Variants in DSCAM observed in about 807,000 individuals in gnomAD.
The protein encoded by DSCAM is cell adhesion molecule DSCAM.
DSCAM carries 47 observed loss-of-function variants against 217.7 expected under a neutral mutation model. The ratio of observed to expected loss-of-function variants is 0.22; its 90% CI spans 0.17 to 0.28. The LOEUF (loss-of-function observed/expected upper bound fraction) is 0.28, where lower values mean the gene tolerates loss of function less well. Among genes scored for constraint, DSCAM ranks in the 10% least tolerant of loss-of-function variants. DSCAM has a pLI of 1.00. For synonymous variants in DSCAM, 1,056 were observed against 1,015.3 expected, an observed-to-expected ratio of 1.04 and a Z score of -0.76; for missense variants, 2,080 against 2,618.3, an observed-to-expected ratio of 0.79 and a Z score of 4.49.
chr21:40,321,428 A>G (rs1226416915), intron 8 of DSCAM, among the ~76,000 whole-genome samples: 1 of 152,190 alleles, frequency 6.6e-6, no homozygotes, highest in East Asian at 1.9e-4. Flanking sequence ...TTTTGGTTGC[A>G]AGAAGCTTCG....
At position 40,734,123 on chromosome 21, in the gene DSCAM, G is replaced by C. The variant is rs1033624763; in HGVS notation, c.44-25352C>G. 1.2e-4 allele frequency among the ~76,000 whole-genome samples: 18 copies of C among 152,134 alleles called. 1 individual carries two copies. The highest frequency in any genetic ancestry group is 1.2e-3 in the Admixed American group (18 of 15,268). ...AAGCCCTGTGAGGATTAACTTAGATGTGCATTAGATGCGATGTGGGGTCAT... is the reference window on the plus strand; with the variant it reads ...AAGCCCTGTGAGGATTAACTTAGATCTGCATTAGATGCGATGTGGGGTCAT... On this transcript the variant is annotated intron_variant, in intron 1 of 32. Coordinates refer to ENST00000400454, the MANE Select transcript of DSCAM (RefSeq NM_001389.5).
rs926892410 is a variant in DSCAM, at chr21:40,149,394, T to G, written c.3019-4663A>C. Among the ~76,000 whole-genome samples, 33 of 145,374 alleles carry G rather than the reference T, an allele frequency of 2.3e-4. 2 individuals are homozygous for G. The highest frequency in any genetic ancestry group is 8.4e-4 in the African/African-American group (32 of 37,984). On this transcript the variant is annotated intron_variant, in intron 16 of 32. Coordinates refer to ENST00000400454, the MANE Select transcript of DSCAM (RefSeq NM_001389.5). ...TTCACTATCCCAACACCAACACCAC[T>G]GTCACCACAACATCCATCACTCCAT...
At chr21:40,469,880 C>A (rs2075874246) in intron 3 of DSCAM, among the ~76,000 whole-genome samples, 1 of 152,116 alleles carries the variant, frequency 6.6e-6, no homozygotes, top group Admixed American at 6.5e-5. Flanking sequence ...AAAAATTTAA[C>A]AATGAGGCAT....
At chr21:40,497,522 C>T (rs1253329878) in intron 3 of DSCAM, among the ~76,000 whole-genome samples, 1 of 152,004 alleles carries the variant, frequency 6.6e-6, no homozygotes, top group African/African-American at 2.4e-5. Context: ...TTCAGTCAGA[C>T]AGAAAGAATA....
chr21:40,358,303 T>C (rs2074718168), intron 4 of DSCAM, among the ~76,000 whole-genome samples: 1 of 152,192 alleles, frequency 6.6e-6, no homozygotes, highest in Non-Finnish European at 1.5e-5. Context: ...GACAACTGGA[T>C]ATCCACATGG....
chr21:40,080,125 T>G, intron 25 of DSCAM, 27 bp downstream of exon 25: 1 of 1,186,126 alleles, frequency 8.4e-7, no homozygotes, highest in South Asian at 1.2e-5. Context: ...GAAAGGATAT[T>G]AAGAAGCGAT....
At chr21:40,338,546 T>C (rs569645682) in intron 7 of DSCAM, among the ~76,000 whole-genome samples, 170 bp from the exon 8 acceptor site, 14 of 152,374 alleles carry the variant, frequency 9.2e-5, no homozygotes, top group African/African-American at 3.4e-4. Flanking sequence ...AAGGTTTTTC[T>C]TTCCTTTTCT....
chr21:40,359,509 A>G (rs2074734502), intron 4 of DSCAM, among the ~76,000 whole-genome samples: 1 of 152,376 alleles, frequency 6.6e-6, no homozygotes, highest in South Asian at 2.1e-4. Context: ...ATGTTCACTC[A>G]AAGACTTAGG....
chr21:40,174,320 G>T (rs780935170), intron 15 of DSCAM, among the ~76,000 whole-genome samples: 14 of 152,292 alleles, frequency 9.2e-5, no homozygotes, highest in Non-Finnish European at 1.6e-4. Context: ...AATAAACTGA[G>T]TAGTTTGGGG....
chr21:40,732,120 C>T (rs1175998174), intron 1 of DSCAM, among the ~76,000 whole-genome samples: 1 of 152,134 alleles, frequency 6.6e-6, no homozygotes, highest in Non-Finnish European at 1.5e-5. Context: ...GGATACCATT[C>T]AACCCCTAAC....
intron 3 of DSCAM, among the ~76,000 whole-genome samples, chr21:40,633,377 A>G (rs990529633): frequency 5.3e-5 from 8 of 152,194 alleles, no homozygotes; most frequent in African/African-American, 1.9e-4. Context: ...TCTCTCTGCA[A>G]GAGCAGGGAC....
intron 3 of DSCAM, among the ~76,000 whole-genome samples, chr21:40,540,078 C>T (rs2076531717): frequency 6.6e-6 from 1 of 152,096 alleles, no homozygotes; most frequent in African/African-American, 2.4e-5. Context: ...GATCCATCTC[C>T]AATATCTTTA....
At chr21:40,794,171 C>T (rs1399316659) in intron 1 of DSCAM, among the ~76,000 whole-genome samples, 1 of 152,104 alleles carries the variant, frequency 6.6e-6, no homozygotes, top group African/African-American at 2.4e-5. Flanking sequence ...TTATCTTGAG[C>T]TGCACACTCT....
At chr21:40,447,827 G>A (rs770039901) in intron 3 of DSCAM, among the ~76,000 whole-genome samples, 24 of 152,318 alleles carry the variant, frequency 1.6e-4, no homozygotes, top group Admixed American at 3.3e-4. Flanking sequence ...GCAGCATAAC[G>A]AGGAGGAGCG....
chr21:40,715,886 TC>T (rs2090836620), intron 1 of DSCAM, among the ~76,000 whole-genome samples: 1 of 152,224 alleles, frequency 6.6e-6, no homozygotes, highest in African/African-American at 2.4e-5. Flanking sequence ...GAATTTATCC[TC>T]TTGTATCCTA....
At chr21:40,634,498 C>T (rs2089730118) in intron 3 of DSCAM, among the ~76,000 whole-genome samples, 1 of 152,200 alleles carries the variant, frequency 6.6e-6, no homozygotes. Flanking sequence ...ATCCTTTTCC[C>T]TCATCTCTTC....
intron 1 of DSCAM, among the ~76,000 whole-genome samples, chr21:40,805,953 C>T (rs1180451384): frequency 1.3e-5 from 2 of 152,096 alleles, no homozygotes; most frequent in Admixed American, 1.3e-4. Flanking sequence ...TGTGATCTGC[C>T]CGCCTCGGCC....
intron 3 of DSCAM, among the ~76,000 whole-genome samples, chr21:40,686,440 A>G (rs1221997624): frequency 6.6e-6 from 1 of 151,936 alleles, no homozygotes; most frequent in Non-Finnish European, 1.5e-5. Context: ...CACCACACAC[A>G]TATGTGGACA....
At chr21:40,497,014 C>A (rs79817866) in intron 3 of DSCAM, among the ~76,000 whole-genome samples, 2,730 of 152,150 alleles carry the variant, frequency 0.018, 75 homozygotes, top group African/African-American at 0.057. Flanking sequence ...GGATGTGTAT[C>A]AAAGAGAACC....
Sources: allele counts gnomAD v4.1 joint callset (sites outside exome capture counted in the v4.1 genomes callset), GRCh38; gene constraint gnomAD v4.1.1; transcripts MANE v1.5; gene names NCBI Gene and HGNC (gene_info 2026-07-23, HGNC 2026-07-21).